NFIB: variants seen among roughly 807,000 people sequenced by gnomAD.
NFIB encodes the protein nuclear factor 1 B-type.
In NFIB, 11 loss-of-function variants were observed where a neutral mutation model predicts 61.5. The ratio of observed to expected loss-of-function variants is 0.18; its 90% CI spans 0.11 to 0.30. The LOEUF (loss-of-function observed/expected upper bound fraction) is 0.30, where lower values mean the gene tolerates loss of function less well. Ranked by LOEUF, NFIB falls within the 10% of genes least tolerant of loss-of-function variation. The pLI, the probability that NFIB is intolerant of heterozygous loss-of-function variation, is 1.00. For synonymous variants in NFIB, 260 were observed against 216.5 expected, an observed-to-expected ratio of 1.20 and a Z score of -1.76; for missense variants, 471 against 608.9, an observed-to-expected ratio of 0.77 and a Z score of 2.38.
At chr9:14,489,584 G>A in the NFIB span, among the ~76,000 whole-genome samples, 8 of 152,182 alleles carry the variant, frequency 5.3e-5, no homozygotes, top group Non-Finnish European at 1.2e-4. Flanking sequence ...ACATTAAGAG[G>A]AAGAAAGTCT....
At chr9:14,103,054 A>G (rs2036008462) in intron 10 of NFIB, among the ~76,000 whole-genome samples, 1 of 152,218 alleles carries the variant, frequency 6.6e-6, no homozygotes. Context: ...TGTTTTGCTT[A>G]AACTGGCATT....
the NFIB span, among the ~76,000 whole-genome samples, chr9:14,453,770 A>C: frequency 3.3e-5 from 5 of 152,176 alleles, no homozygotes; most frequent in African/African-American, 4.8e-5. Flanking sequence ...AACAGCAGTA[A>C]ATTTTTATAA....
chr9:14,150,087 C>A (rs2042695568), intron 5 of NFIB, 58 bp downstream of exon 5: 1 of 1,602,864 alleles, frequency 6.2e-7, no homozygotes, highest in African/African-American at 1.3e-5. Flanking sequence ...TGCCTATCAT[C>A]CACCTACGAA....
At chr9:14,167,090 G>A (rs918654658) in intron 3 of NFIB, among the ~76,000 whole-genome samples, 2 of 149,242 alleles carry the variant, frequency 1.3e-5, no homozygotes, top group East Asian at 4.3e-4. Flanking sequence ...TGTCGGGGGG[G>A]GGGGGTTCCC....
chr9:14,248,421 C>T (rs1360501402), intron 2 of NFIB, among the ~76,000 whole-genome samples: 1 of 151,936 alleles, frequency 6.6e-6, no homozygotes, highest in Non-Finnish European at 1.5e-5. Flanking sequence ...CAGGCATACA[C>T]CACCATGTCG....
intron 5 of NFIB, among the ~76,000 whole-genome samples, chr9:14,147,657 T>TG (rs2042413903): frequency 6.7e-6 from 1 of 148,270 alleles, no homozygotes; most frequent in African/African-American, 2.5e-5. Flanking sequence ...TTTTTTTTTT[T>TG]GAGACTGGGT....
intron 1 of NFIB, among the ~76,000 whole-genome samples, chr9:14,343,430 G>C (rs537245926): frequency 3.0e-4 from 45 of 152,194 alleles, no homozygotes; most frequent in South Asian, 2.1e-3. Flanking sequence ...GAGAGACGTG[G>C]CCAGGTTTTC....
At chr9:14,116,107 G>A (rs2038092841) in intron 9 of NFIB, 101 bp downstream of exon 9, 4 of 1,287,906 alleles carry the variant, frequency 3.1e-6, no homozygotes, top group Non-Finnish European at 4.0e-6. Flanking sequence ...AAAAATTGCC[G>A]TGTTTTCCAC....
At chr9:14,526,253 A>G in the NFIB span, among the ~76,000 whole-genome samples, 6 of 152,308 alleles carry the variant, frequency 3.9e-5, no homozygotes, top group Admixed American at 1.3e-4. Flanking sequence ...GGTAAAATTA[A>G]TGTTAGAACA....
At chr9:14,192,904 A>C (rs79593343) in intron 2 of NFIB, among the ~76,000 whole-genome samples, 7,512 of 152,026 alleles carry the variant, frequency 0.049, 558 homozygotes, top group African/African-American at 0.16. Flanking sequence ...GTTTTTTTGA[A>C]TTTGGCATAT....
chr9:14,426,593 T>G, the NFIB span, among the ~76,000 whole-genome samples: 87 of 152,212 alleles, frequency 5.7e-4, 1 homozygote, highest in Admixed American at 9.8e-4. Flanking sequence ...ACTTTCCCAA[T>G]GTTTGTAAGT....
At chr9:14,226,520 C>T (rs188443467) in intron 2 of NFIB, among the ~76,000 whole-genome samples, 4 of 149,888 alleles carry the variant, frequency 2.7e-5, no homozygotes, top group Admixed American at 1.3e-4. Context: ...TGTACTCCAA[C>T]CTGGGCAACA....
chr9:14,402,144 A>AT (rs2061748845), upstream of NFIB, among the ~76,000 whole-genome samples: 1 of 152,208 alleles, frequency 6.6e-6, no homozygotes, highest in South Asian at 2.1e-4. Context: ...AGACATACTG[A>AT]TCACACATTA....
the NFIB span, among the ~76,000 whole-genome samples, chr9:14,458,826 C>A: frequency 6.6e-6 from 1 of 151,758 alleles, no homozygotes; most frequent in African/African-American, 2.4e-5. Context: ...TGAAGGACCT[C>A]TTCAAGGAGA....
At chr9:14,410,228 T>C in the NFIB span, among the ~76,000 whole-genome samples, 1 of 151,716 alleles carries the variant, frequency 6.6e-6, no homozygotes. Context: ...CCAAAAAAAA[T>C]CATTTTCCAA....
chr9:14,528,426 TC>T, the NFIB span, among the ~76,000 whole-genome samples: 1 of 152,178 alleles, frequency 6.6e-6, no homozygotes, highest in African/African-American at 2.4e-5. Context: ...TGATTGGTGT[TC>T]AACAAAGAAT....
At position 14,116,118 on chromosome 9, in the gene NFIB, C is replaced by A. The variant is rs1026958663; in HGVS notation, c.1384+90G>T. ...CTGGAAAAATTGCCGTGTTTTCCAC[C>A]TTGGATCAGATATCCAATGGTGCCT... On this transcript the variant is annotated intron_variant, in intron 9 of 10. Coordinates refer to ENST00000380953, the MANE Select transcript of NFIB (RefSeq NM_001190737.2). The A allele has an allele frequency of 3.0e-6, 4 of 1,324,114 alleles. No homozygotes were observed. In the South Asian group the frequency reaches 8.7e-5, roughly 29 times the overall value. 82.0% of individuals were successfully genotyped at this position (1,324,114 alleles called of 1,614,324 possible).
chr9:14,414,152 T>C, the NFIB span, among the ~76,000 whole-genome samples: 2 of 152,250 alleles, frequency 1.3e-5, no homozygotes, highest in South Asian at 2.1e-4. Flanking sequence ...AAAATGAAGA[T>C]ATGGGCCGGG....
intron 2 of NFIB, among the ~76,000 whole-genome samples, chr9:14,224,436 T>C (rs553062144): frequency 1.3e-5 from 2 of 152,288 alleles, no homozygotes; most frequent in East Asian, 1.9e-4. Context: ...TTCTGCCCTA[T>C]CTTAGTCTCT....
Sources: allele counts gnomAD v4.1 joint callset (sites outside exome capture counted in the v4.1 genomes callset), GRCh38; gene constraint gnomAD v4.1.1; transcripts MANE v1.5; gene names NCBI Gene and HGNC (gene_info 2026-07-23, HGNC 2026-07-21).